The following FLI1 variants were observed in gnomAD, a reference collection of about 807,000 sequenced individuals.
FLI1 encodes Friend leukemia integration 1 transcription factor.
Under a neutral mutation model 53.1 loss-of-function variants are expected in FLI1, and 13 were observed. The ratio of observed to expected loss-of-function variants is 0.24; its 90% CI spans 0.16 to 0.39. The LOEUF is 0.39. Among genes scored for constraint, FLI1 ranks in the 10% least tolerant of loss-of-function variants. The pLI, the probability that FLI1 is intolerant of heterozygous loss-of-function variation, is 1.00. For synonymous variants in FLI1, 244 were observed against 236.7 expected (o/e 1.03, Z -0.28); for missense variants, 424 against 600.5 (o/e 0.71, Z 3.07).
At chr11:128,747,768 A>G (rs1403049075) in intron 1 of FLI1, among the ~76,000 whole-genome samples, 1 of 152,226 alleles carries the variant, frequency 6.6e-6, no homozygotes, top group Non-Finnish European at 1.5e-5. Context: ...TCCCACTGCC[A>G]TCTAGAAAAA....
At chr11:128,754,292 C>T (rs1414485346) in intron 1 of FLI1, among the ~76,000 whole-genome samples, 2 of 149,870 alleles carry the variant, frequency 1.3e-5, no homozygotes, top group Non-Finnish European at 3.0e-5. Context: ...TATGCATACC[C>T]AAAGCAGTAT....
chr11:128,796,827 C>G (rs1942458495), intron 5 of FLI1, among the ~76,000 whole-genome samples: 1 of 152,116 alleles, frequency 6.6e-6, no homozygotes, highest in Non-Finnish European at 1.5e-5. Context: ...ATATAAAAAT[C>G]AGCCAGGCAT....
intron 4 of FLI1, among the ~76,000 whole-genome samples, chr11:128,775,932 G>A (rs913126234): frequency 6.6e-6 from 1 of 152,190 alleles, no homozygotes; most frequent in African/African-American, 2.4e-5. Context: ...TGAGACTGTG[G>A]CTGGTTGGAA....
intron 1 of FLI1, among the ~76,000 whole-genome samples, chr11:128,757,896 C>T (rs1189451136): frequency 1.3e-5 from 2 of 152,204 alleles, no homozygotes; most frequent in South Asian, 2.1e-4. Context: ...CCTCCATCCC[C>T]ACTCCACTGC....
At chr11:128,774,749 A>G (rs1941681891) in intron 4 of FLI1, among the ~76,000 whole-genome samples, 1 of 152,218 alleles carries the variant, frequency 6.6e-6, no homozygotes, top group Admixed American at 6.5e-5. Context: ...CATGTGGGGA[A>G]AGCCCATTCA....
At chr11:128,782,558 T>C (rs638036) in intron 5 of FLI1, among the ~76,000 whole-genome samples, 38,511 of 151,742 alleles carry the variant, frequency 0.25, 7,782 homozygotes, top group African/African-American at 0.56. Context: ...ATTAGCCAGG[T>C]GTGGTGGCAG....
At chr11:128,751,936 T>A (rs979361890) in intron 1 of FLI1, among the ~76,000 whole-genome samples, 1 of 152,050 alleles carries the variant, frequency 6.6e-6, no homozygotes, top group African/African-American at 2.4e-5. Context: ...GTGCTGGGAT[T>A]ATGGGCATGA....
intron 3 of FLI1, among the ~76,000 whole-genome samples, chr11:128,771,736 C>T (rs1941565453): frequency 6.6e-6 from 1 of 152,186 alleles, no homozygotes. Flanking sequence ...CCTTGACTCT[C>T]CAAATTTTCA....
chr11:128,694,898 T>TCGGCGCTGG (rs1256981261), intron 1 of FLI1, among the ~76,000 whole-genome samples: 4 of 152,134 alleles, frequency 2.6e-5, no homozygotes, highest in African/African-American at 7.2e-5. Context: ...CGCCCGGCTC[T>TCGGCGCTGG]AGGCGCTGGA....
chr11:128,715,897 GTA>G (rs1363457310), intron 1 of FLI1, among the ~76,000 whole-genome samples: 1 of 152,168 alleles, frequency 6.6e-6, no homozygotes, highest in Non-Finnish European at 1.5e-5. Flanking sequence ...ATTCCCTGTT[GTA>G]TTGTTTAAAG....
chr11:128,762,255 G>C (rs1262580873), intron 2 of FLI1, among the ~76,000 whole-genome samples: 1 of 152,204 alleles, frequency 6.6e-6, no homozygotes, highest in Admixed American at 6.5e-5. Flanking sequence ...CACATGATTT[G>C]ATTGTTTGCA....
chr11:128,791,493 G>T (rs1471424995), intron 5 of FLI1, among the ~76,000 whole-genome samples: 1 of 152,150 alleles, frequency 6.6e-6, no homozygotes, highest in Non-Finnish European at 1.5e-5. Context: ...GCATTCAATA[G>T]ATTCTAGCCC....
chr11:128,797,625 G>A (rs1443522723), intron 5 of FLI1, among the ~76,000 whole-genome samples: 1 of 152,208 alleles, frequency 6.6e-6, no homozygotes, highest in Admixed American at 6.5e-5. Context: ...GAGGAAGGAC[G>A]TTTGTCTAGC....
At chr11:128,716,946 A>C (rs1212507612) in intron 1 of FLI1, among the ~76,000 whole-genome samples, 1 of 152,192 alleles carries the variant, frequency 6.6e-6, no homozygotes, top group Non-Finnish European at 1.5e-5. Flanking sequence ...GCATGGGCAC[A>C]TTGCTGTTTT....
rs1363259180 is a variant in FLI1 at position 128,809,179 on chromosome 11, G to T, written c.804G>T (p.Pro268=). The change falls in exon 8 of 9, where the codon CCG becomes CCT. Residue 268 remains proline, a synonymous_variant. Transcript: ENST00000527786. ...PQPDPYQILG[P]TSSRLANPGS... ...TAGATCCGTATCAGATCCTGGGCCCGACCAGCAGTCGCCTAGCCAACCCTG... is the reference window on the plus strand; with the variant it reads ...TAGATCCGTATCAGATCCTGGGCCCTACCAGCAGTCGCCTAGCCAACCCTG... The T allele has an allele frequency of 1.2e-6, 2 of 1,613,742 alleles. No individual in the cohort carries two copies. Among genetic ancestry groups the T allele is most frequent in the African/African-American group, 1.3e-5 (1 of 74,896 alleles).
At chr11:128,775,781 T>G (rs1055078449) in intron 4 of FLI1, among the ~76,000 whole-genome samples, 2 of 152,214 alleles carry the variant, frequency 1.3e-5, no homozygotes, top group Non-Finnish European at 2.9e-5. Flanking sequence ...CTTTATCATC[T>G]TGTCCTTTCA....
chr11:128,755,263 C>A (rs1213079144), intron 1 of FLI1, among the ~76,000 whole-genome samples: 2 of 152,174 alleles, frequency 1.3e-5, no homozygotes, highest in African/African-American at 4.8e-5. Flanking sequence ...GTCATCTTCT[C>A]CCCCAACCTA....
chr11:128,710,166 C>T (rs1938729131), intron 1 of FLI1, among the ~76,000 whole-genome samples: 1 of 152,054 alleles, frequency 6.6e-6, no homozygotes, highest in Non-Finnish European at 1.5e-5. Flanking sequence ...CACTGCACAA[C>T]CAAGTATGAT....
At chr11:128,737,759 C>T (rs1288078375) in intron 1 of FLI1, among the ~76,000 whole-genome samples, 1 of 152,182 alleles carries the variant, frequency 6.6e-6, no homozygotes, top group Non-Finnish European at 1.5e-5. Context: ...TTCTTTTGGG[C>T]TCAGTTCCAG....
Sources: gnomAD v4.1 joint callset for allele counts (sites outside exome capture counted in the v4.1 genomes callset) on GRCh38, gnomAD v4.1.1 for gene constraint, MANE v1.5 for transcripts, NCBI Gene and HGNC (gene_info 2026-07-23, HGNC 2026-07-21) for gene names.